Variants in EDA observed in about 807,000 individuals in gnomAD.
EDA encodes the protein ectodysplasin-A.
A neutral mutation model predicts 23.6 loss-of-function variants in EDA; 2 were observed. That is an observed-to-expected ratio of 0.08 (90% CI 0.03 to 0.27). The LOEUF (loss-of-function observed/expected upper bound fraction) is 0.27, where lower values mean the gene tolerates loss of function less well. Ranked by LOEUF, EDA falls within the 10% of genes least tolerant of loss-of-function variation. The pLI is 1.00. For synonymous variants in EDA, 131 were observed against 132.0 expected (o/e 0.99, Z 0.05); for missense variants, 229 against 324.2 (o/e 0.71, Z 2.26).
chrX:69,771,177 C>T (rs776010159), intron 1 of EDA, among the ~76,000 whole-genome samples: 247 of 59,701 alleles, frequency 4.1e-3, no homozygotes, highest in African/African-American at 9.2e-3. Flanking sequence ...CTGCCTCAGC[C>T]CCCCCAAGTC....
At chrX:69,888,988 A>C in intron 1 of EDA, among the ~76,000 whole-genome samples, 1 of 54,336 alleles carries the variant, frequency 1.8e-5, no homozygotes. Flanking sequence ...TTATATATAT[A>C]TATATATATA....
At chrX:69,660,703 G>T (rs960004900) in intron 1 of EDA, among the ~76,000 whole-genome samples, 1 of 111,542 alleles carries the variant, frequency 9.0e-6, no homozygotes, top group African/African-American at 3.3e-5. Flanking sequence ...AGTATTCCAC[G>T]GTGTATATGT....
chrX:69,728,469 C>T (rs1009211537), intron 1 of EDA, among the ~76,000 whole-genome samples: 1 of 111,630 alleles, frequency 9.0e-6, no homozygotes, highest in African/African-American at 3.3e-5. Flanking sequence ...ACAATATGTG[C>T]AAGGGCACAG....
chrX:70,014,530 C>A (rs1198463732), intron 2 of EDA, among the ~76,000 whole-genome samples: 1 of 112,071 alleles, frequency 8.9e-6, no homozygotes, highest in East Asian at 2.8e-4. Context: ...AGCCAGAGTT[C>A]TCCTTACATC....
rs182245174 is a variant in EDA at position 69,909,595 on chromosome X, G to A, written c.397-47432G>A. ...ATTACAGGCGTGAGCCACCGCGCCC[G>A]GCCCTTCTACAATTATTTGTACCAT... On this transcript the variant is annotated intron_variant, in intron 1 of 7. Transcript: ENST00000374552. Among the ~76,000 whole-genome samples, 700 of 112,658 alleles carry A rather than the reference G, an allele frequency of 6.2e-3. 8 individuals are homozygous for A. Among genetic ancestry groups the A allele is most frequent in the African/African-American group, 0.022 (670 of 31,075 alleles).
chrX:69,853,277 A>G (rs2017173414), intron 1 of EDA, among the ~76,000 whole-genome samples: 1 of 112,350 alleles, frequency 8.9e-6, no homozygotes, highest in African/African-American at 3.2e-5. Flanking sequence ...CATTAAAATT[A>G]GAAATTCCAT....
chrX:69,898,342 G>A (rs1228484339), intron 1 of EDA, among the ~76,000 whole-genome samples: 1 of 111,592 alleles, frequency 9.0e-6, no homozygotes. Flanking sequence ...GGAGGCCGAA[G>A]CAGGTGGCTC....
At chrX:69,842,632 G>A (rs1321260779) in intron 1 of EDA, among the ~76,000 whole-genome samples, 1 of 111,581 alleles carries the variant, frequency 9.0e-6, no homozygotes, top group Non-Finnish European at 1.9e-5. Context: ...ATATGATATG[G>A]CTTGGATCTG....
At chrX:69,909,124 T>A (rs1187160556) in intron 1 of EDA, among the ~76,000 whole-genome samples, 1 of 111,588 alleles carries the variant, frequency 9.0e-6, no homozygotes, top group Non-Finnish European at 1.9e-5. Context: ...TTTATAAAAC[T>A]TTTCCCCCCA....
chrX:69,835,759 TGAG>T (rs2016756256), intron 1 of EDA, among the ~76,000 whole-genome samples: 1 of 112,108 alleles, frequency 8.9e-6, no homozygotes. Flanking sequence ...CCGCTGCTGT[TGAG>T]GAGCTGCGAG....
chrX:70,005,380 G>A (rs1272357967), intron 2 of EDA, among the ~76,000 whole-genome samples: 2 of 110,577 alleles, frequency 1.8e-5, no homozygotes, highest in East Asian at 5.8e-4. Flanking sequence ...CACTTTCTTC[G>A]TCATTCGTTT....
In EDA at chrX:69,967,389, T is replaced by C. The variant is rs867605315; in HGVS notation, c.502+10257T>C. Among the ~76,000 whole-genome samples the C allele has an allele frequency of 1.1e-4, 12 of 111,441 alleles. No homozygotes were observed. In the South Asian group the frequency reaches 1.9e-3, roughly 18 times the overall value. ...GAAGCCACCCAGGTTTCTGGCAAGG[T>C]ACTATACTAGTCACTGATATAATGA... On this transcript the variant is annotated intron_variant, in intron 2 of 7. Coordinates refer to ENST00000374552, the MANE Select transcript of EDA (RefSeq NM_001399.5).
intron 1 of EDA, among the ~76,000 whole-genome samples, chrX:69,942,495 A>G (rs183833817): frequency 9.1e-4 from 100 of 110,221 alleles, no homozygotes; most frequent in African/African-American, 3.2e-3. Flanking sequence ...TTTTTCCTTC[A>G]GCACTTTAAA....
chrX:70,019,570 A>G (rs2020002209), intron 2 of EDA, among the ~76,000 whole-genome samples: 1 of 112,302 alleles, frequency 8.9e-6, no homozygotes, highest in Non-Finnish European at 1.9e-5. Flanking sequence ...GCCATAAAAA[A>G]GAATGAGATC....
chrX:69,619,060 G>A (rs1205342713), intron 1 of EDA, among the ~76,000 whole-genome samples: 6 of 112,197 alleles, frequency 5.3e-5, no homozygotes, highest in Non-Finnish European at 1.1e-4. Context: ...ATTCTACATT[G>A]TGCTGACAGA....
At chrX:69,795,594 C>T (rs2015522020) in intron 1 of EDA, among the ~76,000 whole-genome samples, 1 of 112,966 alleles carries the variant, frequency 8.9e-6, no homozygotes, top group Admixed American at 9.3e-5. Flanking sequence ...GAAGCATGGG[C>T]TGCCACAGTC....
chrX:69,971,541 G>A (rs1478376166), intron 2 of EDA, among the ~76,000 whole-genome samples: 1 of 111,382 alleles, frequency 9.0e-6, no homozygotes, highest in African/African-American at 3.3e-5. Flanking sequence ...ACTCAAGCCA[G>A]TCCCCCTCCT....
intron 2 of EDA, among the ~76,000 whole-genome samples, chrX:70,005,197 TTTCA>T (rs1409966789): frequency 1.8e-5 from 2 of 112,296 alleles, no homozygotes; most frequent in African/African-American, 6.5e-5. Context: ...TGCACATGAC[TTTCA>T]TTTATTTAGG....
intron 2 of EDA, among the ~76,000 whole-genome samples, chrX:69,966,804 T>C (rs1308504059): frequency 4.5e-5 from 5 of 110,046 alleles, no homozygotes; most frequent in African/African-American, 1.6e-4. Flanking sequence ...TATGTAGTTC[T>C]GTGTAATGGT....
Sources: gnomAD v4.1 joint callset for allele counts (sites outside exome capture counted in the v4.1 genomes callset) on GRCh38, gnomAD v4.1.1 for gene constraint, MANE v1.5 for transcripts, NCBI Gene and HGNC (gene_info 2026-07-23, HGNC 2026-07-21) for gene names.